BANK1: variants seen among roughly 807,000 people sequenced by gnomAD.
BANK1 encodes B-cell scaffold protein with ankyrin repeats.
In BANK1, 95 loss-of-function variants were observed where a neutral mutation model predicts 94.5. The ratio of observed to expected loss-of-function variants is 1.00; its 90% CI spans 0.85 to 1.19. The LOEUF is 1.19. Among genes scored for constraint, BANK1 ranks in the 50% most tolerant of loss-of-function variants. BANK1 has a pLI of 0.00. For synonymous variants in BANK1, 334 were observed against 308.4 expected, an observed-to-expected ratio of 1.08 and a Z score of -0.87; for missense variants, 987 against 932.2, an observed-to-expected ratio of 1.06 and a Z score of -0.77.
In BANK1 at chr4:102,001,567, T is replaced by G. The variant is rs576754380; in HGVS notation, c.1207-19947T>G. On this transcript the variant is annotated intron_variant, in intron 7 of 16. Transcript: ENST00000322953. ...GTGAGCCGAGATTGTGCCACTGCAC[T>G]CCAGCCTGGCACAGATAACATAGAG... 3.3e-5 allele frequency among the ~76,000 whole-genome samples: 5 copies of G among 152,228 alleles called. No individual in the cohort carries two copies. In the South Asian group the frequency reaches 1.0e-3, roughly 32 times the overall value.
chr4:101,958,464 CTTTT>C (rs35066662), intron 7 of BANK1, among the ~76,000 whole-genome samples: 14 of 110,734 alleles, frequency 1.3e-4, no homozygotes, highest in Non-Finnish European at 1.8e-5. Context: ...GCCCCCCATG[CTTTT>C]TTTTTTTTTT....
chr4:102,066,921 G>A (rs1481827179), intron 13 of BANK1, among the ~76,000 whole-genome samples: 1 of 152,128 alleles, frequency 6.6e-6, no homozygotes. Flanking sequence ...TCATGCAAAG[G>A]ACAGTGGAGG....
intron 7 of BANK1, among the ~76,000 whole-genome samples, chr4:101,923,702 A>T (rs1723070310): frequency 1.3e-5 from 2 of 151,864 alleles, no homozygotes; most frequent in South Asian, 4.1e-4. Flanking sequence ...GGGAAAGGTG[A>T]AGGATGCATA....
chr4:101,862,434 T>G, intron 3 of BANK1, 92 bp from the exon 4 acceptor site: 1 of 984,336 alleles, frequency 1.0e-6, no homozygotes, highest in Non-Finnish European at 1.4e-6. Context: ...TCAATAATAG[T>G]GTATTACCTT....
chr4:102,072,586 CA>C (rs1728795310), intron 15 of BANK1, among the ~76,000 whole-genome samples, 186 bp downstream of exon 15: 1 of 151,712 alleles, frequency 6.6e-6, no homozygotes, highest in South Asian at 2.1e-4. Context: ...GGAAAAAAAA[CA>C]AAGAGGGAAC....
intron 2 of BANK1, among the ~76,000 whole-genome samples, chr4:101,848,946 A>G (rs7686702): frequency 1.3e-5 from 2 of 151,868 alleles, no homozygotes; most frequent in African/African-American, 4.8e-5. Context: ...TTCTAGCTGC[A>G]TCATAGGCTT....
chr4:101,811,975 A>G (rs1217570981), intron 1 of BANK1, among the ~76,000 whole-genome samples: 1 of 152,034 alleles, frequency 6.6e-6, no homozygotes, highest in Non-Finnish European at 1.5e-5. Flanking sequence ...ATTGTTCTTT[A>G]TAATAATCAT....
At chr4:101,870,210 T>A (rs1252938304) in intron 4 of BANK1, among the ~76,000 whole-genome samples, 1 of 152,058 alleles carries the variant, frequency 6.6e-6, no homozygotes. Flanking sequence ...TATAGATTAT[T>A]ACAAAGAAAA....
intron 3 of BANK1, among the ~76,000 whole-genome samples, chr4:101,855,750 C>T (rs1463155521): frequency 6.6e-6 from 1 of 152,116 alleles, no homozygotes; most frequent in Non-Finnish European, 1.5e-5. Flanking sequence ...TTTAGGACCA[C>T]ACCATATTTT....
intron 7 of BANK1, among the ~76,000 whole-genome samples, chr4:101,967,587 T>C (rs1724807873): frequency 6.6e-6 from 1 of 152,062 alleles, no homozygotes. Context: ...CTCTGTAATT[T>C]ATACTAACTT....
intron 1 of BANK1, among the ~76,000 whole-genome samples, chr4:101,827,551 C>G (rs544489985): frequency 6.6e-6 from 1 of 151,912 alleles, no homozygotes; most frequent in Non-Finnish European, 1.5e-5. Context: ...TTAAAATGTG[C>G]GTTTTGTAGT....
At chr4:101,982,055 A>G (rs1045814367) in intron 7 of BANK1, 1 of 152,120 alleles carries the variant, frequency 6.6e-6, no homozygotes, top group Non-Finnish European at 1.5e-5. Flanking sequence ...GCCCCTTGCC[A>G]TGAGGAAGTG....
chr4:101,830,248 T>C (rs904541926), intron 2 of BANK1, 42 bp downstream of exon 2: 3 of 1,264,836 alleles, frequency 2.4e-6, no homozygotes, highest in Non-Finnish European at 3.0e-6. Flanking sequence ...TTATTTGTTT[T>C]TTTTTTTTTG....
intron 13 of BANK1, among the ~76,000 whole-genome samples, chr4:102,065,876 C>G (rs996527411): frequency 6.6e-6 from 1 of 151,924 alleles, no homozygotes; most frequent in Non-Finnish European, 1.5e-5. Flanking sequence ...ATTTGATTTT[C>G]AGAGAGATAA....
chr4:102,067,146 A>T (rs1309584662), intron 13 of BANK1, among the ~76,000 whole-genome samples: 1 of 152,086 alleles, frequency 6.6e-6, no homozygotes, highest in Non-Finnish European at 1.5e-5. Context: ...AAAAATAGAT[A>T]AAAAGAACTA....
At position 101,855,120 on chromosome 4, in the gene BANK1, A is replaced by G; in HGVS notation, c.555A>G (p.Glu185=). The G allele has an allele frequency of 6.2e-7, 1 of 1,613,734 alleles. No individual in the cohort carries two copies. Among genetic ancestry groups the G allele is most frequent in the Non-Finnish European group, 8.5e-7 (1 of 1,179,656 alleles). The change falls in exon 3 of 17, where the codon GAA becomes GAG. Residue 185 remains glutamate (E), a synonymous_variant. Transcript: ENST00000322953. The part of the protein sequence containing the change: ...SGEISERKEI[E]ELSEASRNTI... ...AAATAAGTGAGAGAAAGGAAATTGA[A>G]GAACTATCAGAAGCTTCAAGAAACA...
intron 2 of BANK1, among the ~76,000 whole-genome samples, chr4:101,849,392 A>C (rs558892538): frequency 6.6e-6 from 1 of 152,246 alleles, no homozygotes; most frequent in African/African-American, 2.4e-5. Context: ...CACCATTTTA[A>C]GTTTCAGACC....
At chr4:101,856,014 T>A (rs1352235859) in intron 3 of BANK1, among the ~76,000 whole-genome samples, 1 of 152,172 alleles carries the variant, frequency 6.6e-6, no homozygotes, top group Non-Finnish European at 1.5e-5. Context: ...TGTGGCATCC[T>A]TGAGTATAAA....
At chr4:101,815,723 C>G (rs994648533) in intron 1 of BANK1, among the ~76,000 whole-genome samples, 1 of 151,924 alleles carries the variant, frequency 6.6e-6, no homozygotes, top group African/African-American at 2.4e-5. Flanking sequence ...GGAGTTGCCA[C>G]CAGAGCTCTA....
Sources: gnomAD v4.1 joint callset for allele counts (sites outside exome capture counted in the v4.1 genomes callset) on GRCh38, gnomAD v4.1.1 for gene constraint, MANE v1.5 for transcripts, NCBI Gene and HGNC (gene_info 2026-07-23, HGNC 2026-07-21) for gene names.